SRRM4: variants seen among roughly 807,000 people sequenced by gnomAD.
The protein encoded by SRRM4 is serine/arginine repetitive matrix protein 4.
SRRM4 carries 33 observed loss-of-function variants against 68.9 expected under a neutral mutation model. The observed-to-expected ratio is 0.48, with a 90% CI of 0.36 to 0.64. The LOEUF is 0.64. Among genes scored for constraint, SRRM4 ranks in the 30% least tolerant of loss-of-function variants. The pLI is 0.00. For missense variants in SRRM4, 817 were observed against 827.1 expected (o/e 0.99, Z 0.15); for synonymous variants, 318 against 318.8 (o/e 1.00, Z 0.03).
chr12:119,122,411 GTGTA>G (rs895048106), intron 6 of SRRM4, among the ~76,000 whole-genome samples: 4 of 152,180 alleles, frequency 2.6e-5, no homozygotes, highest in Non-Finnish European at 5.9e-5. Context: ...ACCGGGTCGT[GTGTA>G]TATGATGTGT....
chr12:119,151,259 T>G (rs756493966), intron 10 of SRRM4, 39 bp downstream of exon 10: 1 of 1,570,576 alleles, frequency 6.4e-7, no homozygotes, highest in South Asian at 1.1e-5. Flanking sequence ...AGCACCTTTC[T>G]CCTTAGGAAA....
At chr12:119,088,003 G>A (rs550487680) in intron 1 of SRRM4, among the ~76,000 whole-genome samples, 7 of 152,172 alleles carry the variant, frequency 4.6e-5, no homozygotes, top group African/African-American at 9.7e-5. Context: ...CTGATGAGGT[G>A]CTTAGTACAT....
Position 118,996,062 on chromosome 12 carries a change from A to G in SRRM4, c.131+14049A>G, listed in dbSNP as rs562400025. On this transcript the variant is annotated intron_variant, in intron 1 of 12. Coordinates refer to ENST00000267260, the MANE Select transcript of SRRM4 (RefSeq NM_194286.4). The stretch of plus-strand genomic sequence containing the variant: ...TGCATCTAACCAACATTTATGCAGC[A>G]TCTAATTTGTGCCTTTCTTCACCAT... 3.9e-3 allele frequency among the ~76,000 whole-genome samples: 589 copies of G among 152,320 alleles called. 6 individuals carry two copies. The highest frequency in any genetic ancestry group is 0.013 in the African/African-American group (556 of 41,550).
chr12:119,078,632 C>T (rs60235511), intron 1 of SRRM4, among the ~76,000 whole-genome samples: 3 of 152,042 alleles, frequency 2.0e-5, no homozygotes, highest in Admixed American at 6.5e-5. Context: ...TTCCACAAAG[C>T]CTTTAAGCTG....
chr12:119,043,989 C>G (rs890259727), intron 1 of SRRM4, among the ~76,000 whole-genome samples: 2 of 152,196 alleles, frequency 1.3e-5, no homozygotes, highest in African/African-American at 4.8e-5. Flanking sequence ...GCCTCAACCT[C>G]CCAAGTAGCT....
At chr12:119,127,316 C>CT (rs1422828949) in intron 7 of SRRM4, among the ~76,000 whole-genome samples, 1 of 152,100 alleles carries the variant, frequency 6.6e-6, no homozygotes, top group Non-Finnish European at 1.5e-5. Flanking sequence ...TGAGGAGCTG[C>CT]TTTTTTCTTT....
chr12:119,049,072 G>A (rs943278668), intron 1 of SRRM4, among the ~76,000 whole-genome samples: 15 of 152,184 alleles, frequency 9.9e-5, no homozygotes, highest in Admixed American at 1.3e-4. Flanking sequence ...TTGCCCTTAC[G>A]AAGCTTAAAT....
rs143343803 is a variant in SRRM4 at position 119,142,566 on chromosome 12, C to T, written c.772-2815C>T. On this transcript the variant is annotated intron_variant, in intron 8 of 12. Transcript: ENST00000267260. ...TGAAATTCGTAGTCAAGACTAGGAA[C>T]AAGTACTTGGGAGAGAAAGGCCCAG... Among the ~76,000 whole-genome samples the T allele has an allele frequency of 6.0e-3, 919 of 152,318 alleles. 11 individuals carry two copies. The highest frequency in any genetic ancestry group is 0.021 in the African/African-American group (882 of 41,578).
At chr12:119,012,155 A>G (rs893348139) in intron 1 of SRRM4, among the ~76,000 whole-genome samples, 2 of 152,164 alleles carry the variant, frequency 1.3e-5, no homozygotes, top group South Asian at 2.1e-4. Context: ...CCTCCCTGGG[A>G]TCATCGTCTG....
intron 1 of SRRM4, among the ~76,000 whole-genome samples, chr12:119,060,245 C>T: frequency 6.6e-6 from 1 of 151,494 alleles, no homozygotes; most frequent in South Asian, 2.1e-4. Flanking sequence ...GATGCACAAA[C>T]TCTTTTCCTT....
rs1414830275 is a variant in SRRM4, at chr12:119,035,109, G to T, written c.131+53096G>T. 2.0e-5 allele frequency among the ~76,000 whole-genome samples: 3 copies of T among 151,936 alleles called. No individual in the cohort carries two copies. The East Asian group carries it at 5.8e-4, about 29-fold the overall frequency. ...ATATTCTTGAATAATTTTTTTCAGA[G>T]TGTATAAATTAAAAAATTAACCCTT... is the stretch of plus-strand genomic sequence containing the variant. On this transcript the variant is annotated intron_variant, in intron 1 of 12. Transcript: ENST00000267260.
intron 2 of SRRM4, among the ~76,000 whole-genome samples, chr12:119,111,129 T>A (rs907348889): frequency 1.3e-5 from 2 of 152,230 alleles, no homozygotes; most frequent in Admixed American, 6.5e-5. Context: ...ACTCAACTGA[T>A]ACTTATTGAA....
Position 119,157,241 on chromosome 12 carries a change from G to A in SRRM4, c.*443G>A, listed in dbSNP as rs1954480136. The stretch of plus-strand genomic sequence containing the variant: ...CCAACTTCATGGCTGCACGTGGATG[G>A]ACCCCCATGTCTGAGAGGGGTGAAA... On this transcript the variant is annotated 3_prime_UTR_variant, in exon 13 of 13. Transcript: ENST00000267260. The surrounding 1 kb of genome is among the most constrained non-coding windows in gnomAD (Gnocchi z 4.1). 1 of 168,620 alleles carries A rather than the reference G, an allele frequency of 5.9e-6. No homozygotes were observed. The highest frequency in any genetic ancestry group is 2.4e-5 in the African/African-American group (1 of 41,766). The allele number at this position is 168,620 out of a possible 1,614,324, so 10.4% of individuals were successfully genotyped here.
chr12:119,040,427 A>C (rs1266658519), intron 1 of SRRM4, among the ~76,000 whole-genome samples: 1 of 152,140 alleles, frequency 6.6e-6, no homozygotes, highest in Non-Finnish European at 1.5e-5. Flanking sequence ...TAGCTCCCAC[A>C]TATCAGTGAG....
At position 119,125,444 on chromosome 12, in the gene SRRM4, G is replaced by C. The variant is rs374628466; in HGVS notation, c.579G>C (p.Gln193His). 1 of 1,613,126 alleles carries C rather than the reference G, an allele frequency of 6.2e-7. No homozygotes were observed. Among genetic ancestry groups the C allele is most frequent in the South Asian group, 1.1e-5 (1 of 90,944 alleles). The change falls in exon 7 of 13, where the codon CAG becomes CAC. Residue 193 changes from glutamine (Q) to histidine (H), a missense_variant. Transcript: ENST00000267260. Reference protein sequence around the residue: ...HRHHRCPSRSQSSESRPSSCE... With the variant: ...HRHHRCPSRSHSSESRPSSCE... Reference sequence around the variant, plus strand: ...ATCACCGCTGCCCCTCGCGGTCCCAGAGCTCGGAGTCCCGCCCCTCAAGCT... The same window carrying C: ...ATCACCGCTGCCCCTCGCGGTCCCACAGCTCGGAGTCCCGCCCCTCAAGCT...
chr12:119,155,167 G>C lies in SRRM4; in HGVS notation c.1532+784G>C, dbSNP rs1041097109. ...GTTGATTGAATGGTCAGAATAGGTG[G>C]ATACCGTTCCTGGAACAGGTAAGGC... is the stretch of plus-strand genomic sequence containing the variant. On this transcript the variant is annotated intron_variant, in intron 12 of 12. Transcript: ENST00000267260. 7.2e-5 allele frequency among the ~76,000 whole-genome samples: 11 copies of C among 152,260 alleles called. No homozygotes were observed. The East Asian group carries it at 1.9e-3, about 27-fold the overall frequency.
In SRRM4 at chr12:119,099,412, G is replaced by A. The variant is rs185474271; in HGVS notation, c.132-2824G>A. 3.2e-4 allele frequency among the ~76,000 whole-genome samples: 48 copies of A among 152,132 alleles called. 1 individual carries two copies. The East Asian group carries it at 8.5e-3, about 27-fold the overall frequency. On this transcript the variant is annotated intron_variant, in intron 1 of 12. Coordinates refer to ENST00000267260, the MANE Select transcript of SRRM4 (RefSeq NM_194286.4). ...GCCTCCCGAAGTGCTGGGATTACAGGCATGAGTGACTATGCCCGGCCGCTC... is the reference window on the plus strand; with the variant it reads ...GCCTCCCGAAGTGCTGGGATTACAGACATGAGTGACTATGCCCGGCCGCTC...
Position 119,025,569 on chromosome 12 carries a change from C to T in SRRM4, c.131+43556C>T, listed in dbSNP as rs188024001. ...AAGTGATTCTCCTGCCTCAGCCTCCCGAGTAGCTGGGATTACAGGCATGTG... is the reference window on the plus strand; with the variant it reads ...AAGTGATTCTCCTGCCTCAGCCTCCTGAGTAGCTGGGATTACAGGCATGTG... On this transcript the variant is annotated intron_variant, in intron 1 of 12. Coordinates refer to ENST00000267260, the MANE Select transcript of SRRM4 (RefSeq NM_194286.4). 6.6e-5 allele frequency among the ~76,000 whole-genome samples: 10 copies of T among 152,202 alleles called. No homozygotes were observed. The East Asian group carries it at 1.2e-3, about 18-fold the overall frequency.
intron 1 of SRRM4, among the ~76,000 whole-genome samples, chr12:119,026,642 A>AGGTTT (rs1190926247): frequency 6.7e-6 from 1 of 150,312 alleles, no homozygotes. Context: ...TCCGCCTCCC[A>AGGTTT]GGTTCAAGTG....
Sources: allele counts gnomAD v4.1 joint callset (sites outside exome capture counted in the v4.1 genomes callset), GRCh38; gene constraint gnomAD v4.1.1; non-coding constraint Gnocchi (gnomAD v3.1); transcripts MANE v1.5; gene names NCBI Gene and HGNC (gene_info 2026-07-23, HGNC 2026-07-21).